LAMA2: variants seen among roughly 807,000 people sequenced by gnomAD.
LAMA2 encodes the protein laminin subunit alpha 2.
Under a neutral mutation model 364.8 loss-of-function variants are expected in LAMA2, and 269 were observed. The ratio of observed to expected loss-of-function variants is 0.74; its 90% CI spans 0.67 to 0.82. The LOEUF (loss-of-function observed/expected upper bound fraction) is 0.82, where lower values mean the gene tolerates loss of function less well. LAMA2 is among the 40% of genes least tolerant of loss of function. The pLI is 0.00. For missense variants in LAMA2, 3,807 were observed against 3,873.2 expected (o/e 0.98, Z 0.45); for synonymous variants, 1,379 against 1,370.6 (o/e 1.01, Z -0.14).
At chr6:129,139,177 G>A (rs1402130896) in intron 4 of LAMA2, among the ~76,000 whole-genome samples, 2 of 152,080 alleles carry the variant, frequency 1.3e-5, no homozygotes, top group Non-Finnish European at 2.9e-5. Flanking sequence ...TTACCATCCA[G>A]AGCCAGACTC....
chr6:128,905,762 C>T lies in LAMA2; in HGVS notation c.112+22405C>T, dbSNP rs1169027526. Among the ~76,000 whole-genome samples, 6 of 151,928 alleles carry T rather than the reference C, an allele frequency of 3.9e-5. No homozygotes were observed. The East Asian group carries it at 9.7e-4, about 25-fold the overall frequency. The stretch of plus-strand genomic sequence containing the variant: ...ACTCGTCATCTAGCATTAGGTATAT[C>T]TCCCAATGCTATCCCTCCCCACTCC... On this transcript the variant is annotated intron_variant, in intron 1 of 64. Coordinates refer to ENST00000421865, the MANE Select transcript of LAMA2 (RefSeq NM_000426.4).
At chr6:129,007,870 A>G (rs990606111) in intron 1 of LAMA2, among the ~76,000 whole-genome samples, 35 of 152,154 alleles carry the variant, frequency 2.3e-4, no homozygotes, top group African/African-American at 7.7e-4. Flanking sequence ...TTTGGGGTGT[A>G]CTTGATTCAT....
intron 4 of LAMA2, among the ~76,000 whole-genome samples, chr6:129,139,317 C>G (rs1179622090): frequency 1.3e-5 from 2 of 152,004 alleles, no homozygotes; most frequent in African/African-American, 4.8e-5. Flanking sequence ...GATTCCACAT[C>G]CATGGATTCA....
chr6:129,443,160 G>C, intron 44 of LAMA2, 92 bp downstream of exon 44: 2 of 937,008 alleles, frequency 2.1e-6, no homozygotes, highest in Non-Finnish European at 3.3e-6. Context: ...CTATATTTTG[G>C]TTTTGCTTTA....
chr6:129,025,119 A>C (rs1785718955), intron 1 of LAMA2, among the ~76,000 whole-genome samples: 1 of 152,182 alleles, frequency 6.6e-6, no homozygotes, highest in South Asian at 2.1e-4. Flanking sequence ...GTTTTGAGTA[A>C]ATTTGTTGAG....
intron 2 of LAMA2, among the ~76,000 whole-genome samples, chr6:129,055,344 A>T (rs1378062377): frequency 6.6e-6 from 1 of 151,884 alleles, no homozygotes; most frequent in Admixed American, 6.6e-5. Flanking sequence ...CGCGTGTGCC[A>T]CTGCGTCTGG....
intron 18 of LAMA2, among the ~76,000 whole-genome samples, chr6:129,281,277 C>T (rs1373333065): frequency 6.6e-6 from 1 of 152,028 alleles, no homozygotes. Context: ...AATAGGAGAA[C>T]ATATCATTGC....
At chr6:129,292,961 G>T in intron 20 of LAMA2, 1 of 985,924 alleles carries the variant, frequency 1.0e-6, no homozygotes, top group Non-Finnish European at 1.2e-6. Flanking sequence ...TGCACCAACA[G>T]GAGGAGCAGC....
rs544759076 is a variant in LAMA2 at position 129,026,488 on chromosome 6, A to G, written c.113-23430A>G. On this transcript the variant is annotated intron_variant, in intron 1 of 64. Transcript: ENST00000421865. ...AGAAGTTCTAAGAATAAAGCAGTTTACAAACAAATAGTATATATACATGTA... is the reference window on the plus strand; with the variant it reads ...AGAAGTTCTAAGAATAAAGCAGTTTGCAAACAAATAGTATATATACATGTA... Among the ~76,000 whole-genome samples, 6 of 152,310 alleles carry G rather than the reference A, an allele frequency of 3.9e-5. No individual in the cohort carries two copies. The South Asian group carries it at 1.2e-3, about 32-fold the overall frequency.
At chr6:129,267,267 C>T in intron 16 of LAMA2, 48 bp downstream of exon 16, 1 of 1,218,206 alleles carries the variant, frequency 8.2e-7, no homozygotes, top group Non-Finnish European at 1.2e-6. Context: ...GCTGAAATCA[C>T]CTCGACAGAT....
At chr6:129,012,394 C>G (rs1275817527) in intron 1 of LAMA2, among the ~76,000 whole-genome samples, 1 of 151,970 alleles carries the variant, frequency 6.6e-6, no homozygotes, top group Non-Finnish European at 1.5e-5. Flanking sequence ...ACTGTCATCA[C>G]CTTTGTTTCT....
chr6:129,324,410 C>T (rs776136726), intron 28 of LAMA2, among the ~76,000 whole-genome samples: 1 of 152,160 alleles, frequency 6.6e-6, no homozygotes, highest in Non-Finnish European at 1.5e-5. Context: ...CCCCATTTTA[C>T]GGGTGAGAGA....
intron 10 of LAMA2, among the ~76,000 whole-genome samples, chr6:129,188,969 A>G (rs1436079985): frequency 1.3e-5 from 2 of 152,038 alleles, no homozygotes; most frequent in Non-Finnish European, 2.9e-5. Flanking sequence ...CTATGCGTAT[A>G]GCACTTTGCT....
chr6:129,055,690 T>A (rs958460052), intron 2 of LAMA2, among the ~76,000 whole-genome samples: 2 of 152,282 alleles, frequency 1.3e-5, no homozygotes, highest in East Asian at 3.9e-4. Flanking sequence ...ATATGGAAGG[T>A]CCGCAGTTAA....
At chr6:129,449,996 G>A (rs188841422) in intron 45 of LAMA2, among the ~76,000 whole-genome samples, 30 of 151,918 alleles carry the variant, frequency 2.0e-4, no homozygotes, top group Middle Eastern at 6.8e-3. Flanking sequence ...AGTTGATACA[G>A]GGCTTCACCA....
chr6:129,246,025 A>T (rs542739117), intron 12 of LAMA2, among the ~76,000 whole-genome samples: 1 of 152,346 alleles, frequency 6.6e-6, no homozygotes, highest in East Asian at 1.9e-4. Context: ...TTAGTGCCAA[A>T]CAACTTAATA....
At chr6:129,230,908 C>T (rs919910240) in intron 12 of LAMA2, among the ~76,000 whole-genome samples, 2 of 152,080 alleles carry the variant, frequency 1.3e-5, no homozygotes, top group Admixed American at 1.3e-4. Context: ...GCTATTAGTA[C>T]TGTAGCCAAG....
chr6:128,954,762 CT>C (rs1418727197), intron 1 of LAMA2, among the ~76,000 whole-genome samples: 2 of 151,830 alleles, frequency 1.3e-5, no homozygotes, highest in Non-Finnish European at 2.9e-5. Context: ...TTTTTAAGAG[CT>C]TTTAAAACAA....
intron 7 of LAMA2, among the ~76,000 whole-genome samples, chr6:129,151,315 A>G (rs1442977553): frequency 1.3e-5 from 2 of 152,190 alleles, no homozygotes; most frequent in African/African-American, 4.8e-5. Context: ...AGTCTATGTT[A>G]CTTTATGTTT....
Sources: allele counts gnomAD v4.1 joint callset (sites outside exome capture counted in the v4.1 genomes callset), GRCh38; gene constraint gnomAD v4.1.1; transcripts MANE v1.5; gene names NCBI Gene and HGNC (gene_info 2026-07-23, HGNC 2026-07-21).